DYSF: variants seen among roughly 807,000 people sequenced by gnomAD.
The protein encoded by DYSF is dysferlin, also known as dystrophy-associated fer-1-like 1.
DYSF carries 212 observed loss-of-function variants against 274.9 expected under a neutral mutation model. That is an observed-to-expected ratio of 0.77 (90% CI 0.69 to 0.86). The LOEUF (loss-of-function observed/expected upper bound fraction) is 0.86. DYSF is among the 40% of genes least tolerant of loss of function. The pLI, the probability that DYSF is intolerant of heterozygous loss-of-function variation, is 0.00. For synonymous variants in DYSF, 1,091 were observed against 1,078.7 expected, an observed-to-expected ratio of 1.01 and a Z score of -0.22; for missense variants, 2,666 against 2,783.2, an observed-to-expected ratio of 0.96 and a Z score of 0.95.
intron 26 of DYSF, among the ~76,000 whole-genome samples, chr2:71,568,872 C>G (rs536245016): frequency 1.5e-3 from 228 of 149,880 alleles, no homozygotes; most frequent in African/African-American, 5.3e-3. Flanking sequence ...GGCCTTTATT[C>G]TCTCTCTTTT....
In DYSF at chr2:71,598,736, T is replaced by A. The variant is rs747606668; in HGVS notation, c.3747T>A (p.His1249Gln). 3 of 1,612,560 alleles carry A rather than the reference T, an allele frequency of 1.9e-6. No individual in the cohort carries two copies. Among genetic ancestry groups the A allele is most frequent in the Non-Finnish European group, 2.5e-6 (3 of 1,180,030 alleles). ...PPSIVVELYD[H>Q]DTYGADEFMG... ...GCATTGTGGTGGAGCTGTACGACCA[T>A]GACACTTATGTGAGTCTGCCCAGCT... is the stretch of plus-strand genomic sequence containing the variant. The change falls in exon 33 of 56, where the codon CAT becomes CAA. Residue 1249 changes from histidine to glutamine, a missense_variant. This residue lies in a region of DYSF where 1,460 missense variants were observed against 1,502.1 expected (regional missense o/e 0.97). Coordinates refer to ENST00000410020, the MANE Select transcript of DYSF (RefSeq NM_001130987.2).
Position 71,515,641 on chromosome 2 carries a change from G to C in DYSF, c.778G>C (p.Glu260Gln). 6.2e-7 allele frequency: 1 copy of C among 1,613,932 alleles called. No individual in the cohort carries two copies. Among genetic ancestry groups the C allele is most frequent in the South Asian group, 1.1e-5 (1 of 91,072 alleles). The change falls in exon 8 of 56, where the codon GAG becomes CAG. Residue 260 changes from glutamate to glutamine, a missense_variant. Physicochemically the swap from Glu to Gln is conservative, Grantham distance 29. This residue lies in a region of DYSF where 794 missense variants were observed against 777.1 expected (regional missense o/e 1.02). Coordinates refer to ENST00000410020, the MANE Select transcript of DYSF (RefSeq NM_001130987.2). The part of the protein sequence containing the change: ...QDFQIRVQVI[E>Q]GRQLPGVNIK... ...CTTTCAGATCAGGGTCCAGGTGATC[G>C]AGGGGCGCCAGCTGCCGGGGGTGAA...
Position 71,667,408 on chromosome 2 carries a change from C to T in DYSF, c.5350C>T (p.Pro1784Ser). The T allele has an allele frequency of 2.5e-6, 4 of 1,614,136 alleles. No individual in the cohort carries two copies. The South Asian group carries it at 4.4e-5, about 18-fold the overall frequency. Residue 1784 changes from proline to serine, a missense_variant, in exon 48 of 56, where the codon CCA becomes TCA. Transcript: ENST00000410020. ...AGRIPNPHLG[P>S]VEERLALHVL... ...CAGGATCCCAAACCCACACCTGGGCCCAGTGGAGGAGCGTCTGGCTCTGCA... is the reference window on the plus strand; with the variant it reads ...CAGGATCCCAAACCCACACCTGGGCTCAGTGGAGGAGCGTCTGGCTCTGCA...
chr2:71,463,337 T>TG (rs1361631035), upstream of DYSF, among the ~76,000 whole-genome samples: 1 of 152,202 alleles, frequency 6.6e-6, no homozygotes, highest in Non-Finnish European at 1.5e-5. Flanking sequence ...AGGCCAGAGA[T>TG]GGGGCGAAGG....
Position 71,503,313 on chromosome 2 carries a change from C to T in DYSF, c.339C>T (p.Pro113=), listed in dbSNP as rs1432668893. 6.2e-7 allele frequency: 1 copy of T among 1,614,126 alleles called. No homozygotes were observed. The highest frequency in any genetic ancestry group is 1.7e-5 in the Admixed American group (1 of 60,020). Reference sequence around the variant, plus strand: ...CCCTGCTGGACACCAAGAAGCAGCCCACAGGGGTAAGTGCCCATCAGCCTC... The same window carrying T: ...CCCTGCTGGACACCAAGAAGCAGCCTACAGGGGTAAGTGCCCATCAGCCTC... The part of the protein sequence containing the change: ...NAPLLDTKKQ[P]TGASLVLQVS... Residue 113 remains proline (P), a synonymous_variant, in exon 4 of 56, where the codon CCC becomes CCT. Coordinates refer to ENST00000410020, the MANE Select transcript of DYSF (RefSeq NM_001130987.2).
In DYSF at chr2:71,644,881, G is replaced by T. The variant is rs541641209; in HGVS notation, c.4626+818G>T. Among the ~76,000 whole-genome samples the T allele has an allele frequency of 1.6e-4, 25 of 152,248 alleles. No homozygotes were observed. In the South Asian group the frequency reaches 5.2e-3, roughly 32 times the overall value. On this transcript the variant is annotated intron_variant, in intron 42 of 55. Coordinates refer to ENST00000410020, the MANE Select transcript of DYSF (RefSeq NM_001130987.2). ...ATCAGCATGCATCAAATATTGCACG[G>T]GGCATATTTCTTTAAAAATTATTGG...
intron 30 of DYSF, among the ~76,000 whole-genome samples, chr2:71,585,431 A>G (rs1233601262): frequency 6.6e-6 from 1 of 152,138 alleles, no homozygotes; most frequent in Non-Finnish European, 1.5e-5. Context: ...TGTTTCGTAA[A>G]TGGGTGGCAC....
At chr2:71,611,395 C>T in intron 37 of DYSF, 49 bp downstream of exon 37, 1 of 1,613,942 alleles carries the variant, frequency 6.2e-7, no homozygotes, top group Non-Finnish European at 8.5e-7. Flanking sequence ...CCTGCCCTTC[C>T]CCTTCCTGGC....
At position 71,669,736 on chromosome 2, in the gene DYSF, T is replaced by C. The variant is rs760856814; in HGVS notation, c.5774T>C (p.Ile1925Thr). The change falls in exon 51 of 56, where the codon ATT becomes ACT. Residue 1925 changes from isoleucine to threonine, a missense_variant. This residue lies in a region of DYSF where 1,460 missense variants were observed against 1,502.1 expected (regional missense o/e 0.97). Transcript: ENST00000410020. The stretch of plus-strand genomic sequence containing the variant: ...CTGCCAGCTGAGCAAGTCTGTACCA[T>C]TGCCAAGAAGGTCAGTGTCCTTCCG... ...DYLPAEQVCT[I>T]AKKDAFWRLD... 1 of 1,614,198 alleles carries C rather than the reference T, an allele frequency of 6.2e-7. No individual in the cohort carries two copies. Among genetic ancestry groups the C allele is most frequent in the Non-Finnish European group, 8.5e-7 (1 of 1,180,038 alleles).
chr2:71,505,905 T>C (rs149215153), intron 4 of DYSF, among the ~76,000 whole-genome samples: 33 of 152,314 alleles, frequency 2.2e-4, no homozygotes, highest in African/African-American at 7.7e-4. Context: ...AGGAGGGCAC[T>C]GTGTGTTGGG....
chr2:71,636,573 G>C (rs148998089), intron 41 of DYSF, among the ~76,000 whole-genome samples: 1,718 of 152,188 alleles, frequency 0.011, 40 homozygotes, highest in African/African-American at 0.039. Context: ...GACTGGGCAG[G>C]GATGTTCAGA....
At chr2:71,580,071 C>T (rs1031838619) in intron 30 of DYSF, among the ~76,000 whole-genome samples, 1 of 152,268 alleles carries the variant, frequency 6.6e-6, no homozygotes, top group African/African-American at 2.4e-5. Context: ...TCCCCCACTT[C>T]TATGAGGGCA....
intron 10 of DYSF, among the ~76,000 whole-genome samples, chr2:71,518,966 G>A (rs773973306): frequency 1.3e-5 from 2 of 151,590 alleles, no homozygotes; most frequent in African/African-American, 4.9e-5. Context: ...GGTGGTATGC[G>A]CCTGTAATCC....
At chr2:71,630,961 AG>A (rs2094303639) in intron 41 of DYSF, among the ~76,000 whole-genome samples, 1 of 152,294 alleles carries the variant, frequency 6.6e-6, no homozygotes, top group African/African-American at 2.4e-5. Flanking sequence ...TTCCCTGTTG[AG>A]GTGACTTTGC....
chr2:71,676,127 G>A (rs949878886), intron 52 of DYSF, among the ~76,000 whole-genome samples: 3 of 151,926 alleles, frequency 2.0e-5, no homozygotes, highest in Non-Finnish European at 2.9e-5. Context: ...TAACACCCTC[G>A]GCATATGCAC....
At chr2:71,527,009 T>G (rs1573750275) in intron 13 of DYSF, among the ~76,000 whole-genome samples, 1 of 152,248 alleles carries the variant, frequency 6.6e-6, no homozygotes, top group East Asian at 1.9e-4. Flanking sequence ...TAGACCCATC[T>G]GTGTGTTTAG....
rs577371287 is a variant in DYSF, at chr2:71,675,865, A to G, written c.5884+1569A>G. 2.6e-5 allele frequency among the ~76,000 whole-genome samples: 4 copies of G among 152,224 alleles called. No individual in the cohort carries two copies. The South Asian group carries it at 8.3e-4, about 32-fold the overall frequency. On this transcript the variant is annotated intron_variant, in intron 52 of 55. Coordinates refer to ENST00000410020, the MANE Select transcript of DYSF (RefSeq NM_001130987.2). ...TATTTATATATACACATGTACATGC[A>G]TACATATATAATATATACATATATT...
intron 1 of DYSF, among the ~76,000 whole-genome samples, chr2:71,478,759 A>G (rs897011288): frequency 1.3e-5 from 2 of 152,110 alleles, no homozygotes; most frequent in Non-Finnish European, 2.9e-5. Context: ...TAATTCCCTT[A>G]GAATCTCCCT....
chr2:71,550,484 T>G (rs1388592648), intron 17 of DYSF, among the ~76,000 whole-genome samples: 1 of 152,288 alleles, frequency 6.6e-6, no homozygotes. Flanking sequence ...GGGGCTACCC[T>G]AGGGAGGAGG....
Sources: gnomAD v4.1 joint callset for allele counts (sites outside exome capture counted in the v4.1 genomes callset) on GRCh38, gnomAD v4.1.1 for gene constraint, gnomAD v4.1.1 regional missense constraint, MANE v1.5 for transcripts, NCBI Gene and HGNC (gene_info 2026-07-23, HGNC 2026-07-21) for gene names.